BMP6: variants seen among roughly 807,000 people sequenced by gnomAD.
BMP6 encodes VG-1-R.
A neutral mutation model predicts 54.1 loss-of-function variants in BMP6; 17 were observed. That is an observed-to-expected ratio of 0.31 (90% confidence interval 0.22 to 0.47). The LOEUF (loss-of-function observed/expected upper bound fraction) is 0.47. Ranked by LOEUF, BMP6 falls within the 20% of genes least tolerant of loss-of-function variation. The pLI is 1.00. For missense variants in BMP6, 720 were observed against 690.4 expected (o/e 1.04, Z -0.48); for synonymous variants, 328 against 291.2 (o/e 1.13, Z -1.28).
chr6:7,838,725 G>A (rs1263117452), intron 1 of BMP6, among the ~76,000 whole-genome samples: 7 of 152,028 alleles, frequency 4.6e-5, no homozygotes, highest in South Asian at 2.1e-4. Flanking sequence ...GGTGGATCAC[G>A]AGGTCAGGAG....
chr6:7,875,537 C>T (rs1177988110), intron 4 of BMP6, among the ~76,000 whole-genome samples: 1 of 152,056 alleles, frequency 6.6e-6, no homozygotes, highest in Non-Finnish European at 1.5e-5. Flanking sequence ...CTTGTGGTGG[C>T]CCGTTCTTGT....
chr6:7,737,264 A>T (rs908543713), intron 1 of BMP6, among the ~76,000 whole-genome samples: 2 of 152,062 alleles, frequency 1.3e-5, no homozygotes, highest in African/African-American at 2.4e-5. Context: ...CATCTGACTT[A>T]GGATGTCCTG....
chr6:7,808,209 C>T (rs563800776), intron 1 of BMP6, among the ~76,000 whole-genome samples: 28 of 152,136 alleles, frequency 1.8e-4, no homozygotes, highest in Admixed American at 5.2e-4. Context: ...CGTGAGCCAC[C>T]GCGCCCGGCC....
At chr6:7,834,208 G>GAAAAAA (rs1247977108) in intron 1 of BMP6, among the ~76,000 whole-genome samples, 13 of 131,704 alleles carry the variant, frequency 9.9e-5, no homozygotes, top group African/African-American at 2.0e-4. Context: ...TTTTTTTTAG[G>GAAAAAA]AAAAAAAAGT....
intron 1 of BMP6, among the ~76,000 whole-genome samples, chr6:7,842,548 G>A (rs1758991256): frequency 6.6e-6 from 1 of 152,200 alleles, no homozygotes; most frequent in Non-Finnish European, 1.5e-5. Context: ...TAAGTGGAAG[G>A]AAGTTCAAAG....
chr6:7,849,237 A>G (rs751287347), intron 2 of BMP6, among the ~76,000 whole-genome samples: 15 of 152,194 alleles, frequency 9.9e-5, no homozygotes, highest in Non-Finnish European at 1.6e-4. Context: ...TGTGTCTGTT[A>G]GAATTCAGAC....
At chr6:7,814,633 G>T (rs1173296423) in intron 1 of BMP6, among the ~76,000 whole-genome samples, 1 of 152,050 alleles carries the variant, frequency 6.6e-6, no homozygotes, top group South Asian at 2.1e-4. Context: ...CAAGCCATTG[G>T]CAGGAGACAT....
chr6:7,863,596 C>CT (rs911728533), intron 4 of BMP6, among the ~76,000 whole-genome samples: 5 of 152,124 alleles, frequency 3.3e-5, no homozygotes, highest in African/African-American at 1.2e-4. Context: ...TTGGCCAGAC[C>CT]TGAACTGTGT....
chr6:7,870,287 T>C (rs542309928), intron 4 of BMP6, among the ~76,000 whole-genome samples: 110 of 152,256 alleles, frequency 7.2e-4, no homozygotes, highest in Non-Finnish European at 3.5e-4. Context: ...TGGTAGAAAA[T>C]GGCAGGCACT....
rs754050955 is a variant in BMP6, at chr6:7,727,478, C to T, written c.523C>T (p.Pro175Ser). ...CAGCTCGTCCCAGCGTCGGCAGCCG[C>T]CCCCGGGCGCCGCGCACCCGCTCAA... ...AASSSQRRQPPPGAAHPLNRK... is the reference protein window; with the variant it reads ...AASSSQRRQPSPGAAHPLNRK... Residue 175 changes from proline to serine, a missense_variant, in exon 1 of 7, where the codon CCC becomes TCC. Physicochemically the swap from Pro to Ser is moderately conservative, Grantham distance 74. Transcript: ENST00000283147. 18 of 1,592,978 alleles carry T rather than the reference C, an allele frequency of 1.1e-5. No homozygotes were observed. Among genetic ancestry groups the T allele is most frequent in the Admixed American group, 3.4e-5 (2 of 58,618 alleles).
intron 1 of BMP6, among the ~76,000 whole-genome samples, chr6:7,840,874 C>T (rs1016099349): frequency 7.9e-5 from 12 of 152,192 alleles, no homozygotes; most frequent in Non-Finnish European, 1.3e-4. Flanking sequence ...GGCTGATGCT[C>T]AGTGAGATTT....
At chr6:7,839,149 C>A (rs1581271309) in intron 1 of BMP6, among the ~76,000 whole-genome samples, 1 of 152,036 alleles carries the variant, frequency 6.6e-6, no homozygotes, top group Non-Finnish European at 1.5e-5. Context: ...TTGAGGAAAT[C>A]TGATCACTTT....
intron 1 of BMP6, among the ~76,000 whole-genome samples, chr6:7,841,426 C>T (rs1025347892): frequency 6.6e-6 from 1 of 152,232 alleles, no homozygotes; most frequent in African/African-American, 2.4e-5. Flanking sequence ...AATTGCTGCG[C>T]TCATTGGAAA....
chr6:7,758,911 A>T (rs1172926717), intron 1 of BMP6, among the ~76,000 whole-genome samples: 1 of 152,180 alleles, frequency 6.6e-6, no homozygotes, highest in Non-Finnish European at 1.5e-5. Flanking sequence ...GCCATGGTAG[A>T]ATAGAGGTCC....
rs991960932 is a variant in BMP6, at chr6:7,726,242, G to T, written c.-714G>T. Among the ~76,000 whole-genome samples, 2 of 152,222 alleles carry T rather than the reference G, an allele frequency of 1.3e-5. No homozygotes were observed. The highest frequency in any genetic ancestry group is 4.8e-5 in the African/African-American group (2 of 41,470). On this transcript the variant is annotated 5_prime_UTR_variant, in exon 1 of 7. Coordinates refer to ENST00000283147, the MANE Select transcript of BMP6 (RefSeq NM_001718.6). ...GCGAGCGGGTTTGCTGGGCAGCCGG[G>T]CGACCGCCGAACGGAAAGCAAGATC...
At chr6:7,761,888 C>T (rs1757618591) in intron 1 of BMP6, among the ~76,000 whole-genome samples, 1 of 152,086 alleles carries the variant, frequency 6.6e-6, no homozygotes, top group African/African-American at 2.4e-5. Flanking sequence ...GTCTTACTCC[C>T]CTTGGATTTC....
intron 4 of BMP6, among the ~76,000 whole-genome samples, chr6:7,868,327 T>C (rs1292770892): frequency 1.3e-5 from 2 of 150,376 alleles, no homozygotes; most frequent in East Asian, 4.1e-4. Context: ...ACCCCAGCCC[T>C]ATCAACTGTT....
At chr6:7,807,594 A>G (rs1038867769) in intron 1 of BMP6, among the ~76,000 whole-genome samples, 5 of 152,088 alleles carry the variant, frequency 3.3e-5, no homozygotes, top group African/African-American at 1.2e-4. Context: ...CTTGTTTAAC[A>G]TGCACATTTT....
In BMP6 at chr6:7,845,142, G is replaced by A; in HGVS notation, c.667G>A (p.Glu223Lys). ...DMVMSFVNLVEYDKEFSPRQR... is the reference protein window; with the variant it reads ...DMVMSFVNLVKYDKEFSPRQR... ...CTCTCTCTTGTTTAATCTTATAGTG[G>A]AGTACGACAAGGAGTTCTCCCCTCG... Residue 223 changes from glutamate (E) to lysine (K), a missense_variant and splice_region_variant, in exon 2 of 7, where the codon GAG becomes AAG. This residue lies in a region of BMP6 where 650 missense variants were observed against 556.3 expected (regional missense o/e 1.17). Coordinates refer to ENST00000283147, the MANE Select transcript of BMP6 (RefSeq NM_001718.6). The A allele has an allele frequency of 6.2e-7, 1 of 1,612,362 alleles. No homozygotes were observed. The highest frequency in any genetic ancestry group is 8.5e-7 in the Non-Finnish European group (1 of 1,178,808).
Sources: allele counts gnomAD v4.1 joint callset (sites outside exome capture counted in the v4.1 genomes callset), GRCh38; gene constraint gnomAD v4.1.1; regional missense constraint gnomAD v4.1.1; transcripts MANE v1.5; gene names NCBI Gene and HGNC (gene_info 2026-07-23, HGNC 2026-07-21).